DIAPH2: variants seen among roughly 807,000 people sequenced by gnomAD.
The protein encoded by DIAPH2 is protein diaphanous homolog 2.
In DIAPH2, 35 loss-of-function variants were observed where a neutral mutation model predicts 92.7. The ratio of observed to expected loss-of-function variants is 0.38; its 90% confidence interval spans 0.29 to 0.50. The LOEUF is 0.50. Among genes scored for constraint, DIAPH2 ranks in the 20% least tolerant of loss-of-function variants. The probability of loss-of-function intolerance (pLI) is 0.94; values close to 1 mark genes in which losing one functional copy is unlikely to be tolerated. For missense variants in DIAPH2, 701 were observed against 819.5 expected (o/e 0.86, Z 1.77); for synonymous variants, 301 against 280.4 (o/e 1.07, Z -0.73).
intron 4 of DIAPH2, among the ~76,000 whole-genome samples, chrX:96,860,927 T>A (rs1470546900): frequency 1.8e-5 from 2 of 111,897 alleles, no homozygotes; most frequent in African/African-American, 6.5e-5. Flanking sequence ...TTTTAATGAC[T>A]TATAAAAAAT....
At chrX:96,931,997 G>A (rs1048325430) in intron 10 of DIAPH2, among the ~76,000 whole-genome samples, 19 of 110,696 alleles carry the variant, frequency 1.7e-4, no homozygotes, top group African/African-American at 5.9e-4. Flanking sequence ...GTTAACTTAG[G>A]CATATTCACC....
chrX:97,116,375 A>T (rs1280099933), intron 21 of DIAPH2, among the ~76,000 whole-genome samples: 1 of 112,238 alleles, frequency 8.9e-6, no homozygotes, highest in Non-Finnish European at 1.9e-5. Flanking sequence ...TGTGAAGAAA[A>T]CATTTTTACC....
intron 17 of DIAPH2, among the ~76,000 whole-genome samples, chrX:96,993,902 A>G (rs1339764725): frequency 1.8e-5 from 2 of 111,778 alleles, no homozygotes; most frequent in South Asian, 3.8e-4. Flanking sequence ...AAGAAACTAC[A>G]TGGACAAGGG....
intron 18 of DIAPH2, 140 bp downstream of exon 18, chrX:97,073,182 G>A (rs191716007): frequency 1.2e-3 from 519 of 442,554 alleles, no homozygotes; most frequent in Admixed American, 1.9e-3. Context: ...GTGTAAACAT[G>A]ATTTGGTTGC....
intron 17 of DIAPH2, among the ~76,000 whole-genome samples, chrX:96,991,349 C>T (rs995504805): frequency 9.1e-6 from 1 of 109,882 alleles, no homozygotes; most frequent in African/African-American, 3.3e-5. Flanking sequence ...AACTCCTGAC[C>T]TCAGGTGATC....
chrX:96,894,121 C>T (rs1283664457), intron 5 of DIAPH2, among the ~76,000 whole-genome samples: 2 of 111,401 alleles, frequency 1.8e-5, no homozygotes, highest in Non-Finnish European at 3.8e-5. Context: ...ATATGAATTT[C>T]AAGCCTTTCA....
At chrX:97,016,194 T>G (rs2066259338) in intron 17 of DIAPH2, among the ~76,000 whole-genome samples, 1 of 112,321 alleles carries the variant, frequency 8.9e-6, no homozygotes, top group Non-Finnish European at 1.9e-5. Context: ...CGACATTTAA[T>G]GTTTTCATGA....
rs952554954 is a variant in DIAPH2, at chrX:97,375,467, A to AAAAC, written c.3010-8430_3010-8427dup. On this transcript the variant is annotated intron_variant, in intron 24 of 26. Transcript: ENST00000324765. ...GCACAACTCCATCTCAAAAAAAACAAAAACAAACAAACAAAAAAAACTGTC... is the reference window on the plus strand; with the variant it reads ...GCACAACTCCATCTCAAAAAAAACAAAAACAAACAAACAAACAAAAAAAACTGTC... 2.3e-4 allele frequency among the ~76,000 whole-genome samples: 26 copies of AAAAC among 112,061 alleles called. No homozygotes were observed. The East Asian group carries it at 7.3e-3, about 31-fold the overall frequency.
chrX:97,466,108 A>G (rs376980837), intron 26 of DIAPH2, among the ~76,000 whole-genome samples: 18 of 112,230 alleles, frequency 1.6e-4, no homozygotes, highest in African/African-American at 5.8e-4. Flanking sequence ...AGTATTACCC[A>G]GGTTACTTAT....
chrX:97,278,912 T>C (rs986472531), intron 23 of DIAPH2, among the ~76,000 whole-genome samples: 10 of 112,437 alleles, frequency 8.9e-5, no homozygotes, highest in Admixed American at 8.5e-4. Context: ...AGGACATGTC[T>C]GTGGTTTGCA....
rs1275553429 is a variant in DIAPH2, at chrX:97,602,411, G to A, written c.*3094G>A. ...CAAATTCCTCTTCCTCTGAGAACCA[G>A]TGAAACAGAAAAGTTAATCTGCTTT... is the stretch of plus-strand genomic sequence containing the variant. On this transcript the variant is annotated 3_prime_UTR_variant, in exon 27 of 27. Coordinates refer to ENST00000324765, the MANE Select transcript of DIAPH2 (RefSeq NM_006729.5). 1 of 112,527 alleles carries A rather than the reference G, an allele frequency of 8.9e-6. No individual in the cohort carries two copies. The highest frequency in any genetic ancestry group is 1.9e-5 in the Non-Finnish European group (1 of 53,325). 9.3% of individuals were successfully genotyped at this position (112,527 alleles called of 1,213,427 possible).
At chrX:96,738,455 A>T in intron 2 of DIAPH2, 131 bp from the exon 3 acceptor site, 1 of 504,139 alleles carries the variant, frequency 2.0e-6, no homozygotes, top group Non-Finnish European at 3.1e-6. Flanking sequence ...CTTGCTGCTT[A>T]AAATAGTATT....
At chrX:97,067,816 C>T (rs2066643674) in intron 17 of DIAPH2, among the ~76,000 whole-genome samples, 2 of 111,425 alleles carry the variant, frequency 1.8e-5, no homozygotes, top group East Asian at 2.8e-4. Context: ...TGTGATATTA[C>T]ATTGTATTAA....
At chrX:97,087,389 G>A (rs1207263157) in intron 19 of DIAPH2, among the ~76,000 whole-genome samples, 1 of 111,490 alleles carries the variant, frequency 9.0e-6, no homozygotes, top group African/African-American at 3.3e-5. Context: ...TGCTTCTTGG[G>A]AAAAGCAAAG....
chrX:97,292,665 G>A (rs2068603611), intron 23 of DIAPH2, among the ~76,000 whole-genome samples: 1 of 108,658 alleles, frequency 9.2e-6, no homozygotes, highest in Admixed American at 1.0e-4. Context: ...CCCTGCCTCA[G>A]CCTCCCGAGT....
At chrX:97,578,416 C>T (rs1425083796) in intron 26 of DIAPH2, among the ~76,000 whole-genome samples, 35 of 105,763 alleles carry the variant, frequency 3.3e-4, no homozygotes, top group Admixed American at 6.2e-4. Flanking sequence ...TGAGAATATG[C>T]GGTGTTTGGT....
At chrX:96,756,054 C>T (rs1250434421) in intron 3 of DIAPH2, among the ~76,000 whole-genome samples, 1 of 111,091 alleles carries the variant, frequency 9.0e-6, no homozygotes, top group Non-Finnish European at 1.9e-5. Context: ...TTTATAGAAG[C>T]GAGGTCTTGC....
Position 96,945,516 on chromosome X carries a change from G to T in DIAPH2, c.1445-11G>T. ...CCATAATTTCGAATCACTTTTGTTTGATCTTAATAGATTCTTGTGTGAACA... is the reference window on the plus strand; with the variant it reads ...CCATAATTTCGAATCACTTTTGTTTTATCTTAATAGATTCTTGTGTGAACA... On this transcript the variant is annotated splice_polypyrimidine_tract_variant and intron_variant, in intron 13 of 26. Transcript: ENST00000324765. The T allele has an allele frequency of 8.6e-7, 1 of 1,163,657 alleles. No individual in the cohort carries two copies. Among genetic ancestry groups the T allele is most frequent in the Non-Finnish European group, 1.1e-6 (1 of 874,376 alleles).
At chrX:96,781,503 T>A (rs894780236) in intron 4 of DIAPH2, among the ~76,000 whole-genome samples, 4 of 111,465 alleles carry the variant, frequency 3.6e-5, no homozygotes, top group Non-Finnish European at 5.6e-5. Flanking sequence ...TATATCCATA[T>A]CTTGATTTCT....
Sources: gnomAD v4.1 joint callset for allele counts (sites outside exome capture counted in the v4.1 genomes callset) on GRCh38, gnomAD v4.1.1 for gene constraint, MANE v1.5 for transcripts, NCBI Gene and HGNC (gene_info 2026-07-23, HGNC 2026-07-21) for gene names.